MCPH1: variants seen among roughly 807,000 people sequenced by gnomAD.
MCPH1 encodes the protein microcephalin 1.
A neutral mutation model predicts 84.5 loss-of-function variants in MCPH1; 104 were observed. The ratio of observed to expected loss-of-function variants is 1.23; its 90% CI spans 1.05 to 1.45. The LOEUF is 1.45. Ranked by LOEUF, MCPH1 falls within the 40% of genes most tolerant of loss-of-function variation. The pLI, the probability that MCPH1 is intolerant of heterozygous loss-of-function variation, is 0.00. For missense variants in MCPH1, 1,498 were observed against 1,005.7 expected, an observed-to-expected ratio of 1.49 and a Z score of -6.62; for synonymous variants, 514 against 366.8, an observed-to-expected ratio of 1.40 and a Z score of -4.58.
At chr8:6,580,824 T>C (rs950909564) in intron 12 of MCPH1, among the ~76,000 whole-genome samples, 14 of 152,242 alleles carry the variant, frequency 9.2e-5, no homozygotes, top group African/African-American at 3.4e-4. Context: ...TTCCTATTCC[T>C]GTAAATAACT....
intron 12 of MCPH1, among the ~76,000 whole-genome samples, chr8:6,606,499 G>A (rs1429416139): frequency 6.6e-6 from 1 of 152,188 alleles, no homozygotes; most frequent in Non-Finnish European, 1.5e-5. Flanking sequence ...TAGTTGGAGG[G>A]AACTTCCCTA....
chr8:6,481,461 C>G (rs1271275416), intron 11 of MCPH1, among the ~76,000 whole-genome samples: 1 of 152,204 alleles, frequency 6.6e-6, no homozygotes, highest in Non-Finnish European at 1.5e-5. Flanking sequence ...TCTATTATTA[C>G]TTTCATCCTC....
chr8:6,534,374 CG>C (rs1157589160), intron 12 of MCPH1, among the ~76,000 whole-genome samples: 17 of 152,140 alleles, frequency 1.1e-4, no homozygotes, highest in Non-Finnish European at 2.2e-4. Flanking sequence ...CCCTGTTTTA[CG>C]GAAGAGGCTT....
At chr8:6,459,146 C>G (rs927218302) in intron 9 of MCPH1, among the ~76,000 whole-genome samples, 2 of 152,190 alleles carry the variant, frequency 1.3e-5, no homozygotes, top group African/African-American at 4.8e-5. Flanking sequence ...TGAGTAGCAG[C>G]CTACAAATAT....
intron 12 of MCPH1, among the ~76,000 whole-genome samples, chr8:6,604,197 C>G (rs1263605487): frequency 1.9e-5 from 1 of 52,146 alleles, no homozygotes; most frequent in Non-Finnish European, 6.4e-5. Flanking sequence ...CAGGTTTGCA[C>G]TGGAAGGAGC....
chr8:6,613,519 C>T (rs999448290), intron 12 of MCPH1, among the ~76,000 whole-genome samples: 2 of 151,726 alleles, frequency 1.3e-5, no homozygotes, highest in Admixed American at 1.3e-4. Flanking sequence ...CAGTCGCATC[C>T]GCTGGGCAGG....
chr8:6,463,638 G>C (rs1001854851), intron 9 of MCPH1, among the ~76,000 whole-genome samples: 1 of 152,152 alleles, frequency 6.6e-6, no homozygotes, highest in African/African-American at 2.4e-5. Flanking sequence ...CAGATGCAGT[G>C]TGGCCAGGCC....
intron 9 of MCPH1, among the ~76,000 whole-genome samples, chr8:6,465,349 G>C (rs918240234): frequency 6.6e-6 from 1 of 152,122 alleles, no homozygotes; most frequent in Non-Finnish European, 1.5e-5. Context: ...GCCACTTCCC[G>C]CGGAGCTGTT....
chr8:6,578,045 G>A (rs1827257503), intron 12 of MCPH1, among the ~76,000 whole-genome samples: 1 of 152,162 alleles, frequency 6.6e-6, no homozygotes, highest in African/African-American at 2.4e-5. Flanking sequence ...TGTTTGGGGA[G>A]AGCCTCACTC....
intron 9 of MCPH1, among the ~76,000 whole-genome samples, chr8:6,462,959 C>G (rs555002932): frequency 6.6e-6 from 1 of 152,176 alleles, no homozygotes; most frequent in Non-Finnish European, 1.5e-5. Flanking sequence ...TTTGCCCACT[C>G]CCAGAGACCA....
chr8:6,590,113 G>T (rs1225961211), intron 12 of MCPH1, among the ~76,000 whole-genome samples: 5 of 151,276 alleles, frequency 3.3e-5, no homozygotes, highest in Non-Finnish European at 7.4e-5. Context: ...GGTGCCGGAA[G>T]AATGATTAGG....
chr8:6,418,066 C>T (rs139912492), intron 3 of MCPH1, among the ~76,000 whole-genome samples: 82 of 152,274 alleles, frequency 5.4e-4, no homozygotes, highest in African/African-American at 1.7e-3. Context: ...ACATGTTGTT[C>T]AGGGGTCAGC....
chr8:6,491,949 G>A (rs188343082), intron 11 of MCPH1, among the ~76,000 whole-genome samples: 1 of 152,300 alleles, frequency 6.6e-6, no homozygotes, highest in Admixed American at 6.5e-5. Flanking sequence ...GTGTGCATGT[G>A]TCTTTATAGC....
intron 12 of MCPH1, among the ~76,000 whole-genome samples, chr8:6,609,828 C>CCCCCCCCCCCCACA (rs1475345162): frequency 1.8e-5 from 2 of 108,850 alleles, no homozygotes; most frequent in African/African-American, 3.0e-5. Context: ...CGCCCCCCCC[C>CCCCCCCCCCCCACA]CACACACAGA....
At chr8:6,409,182 G>C in intron 1 of MCPH1, 97 bp from the exon 2 acceptor site, 1 of 1,030,438 alleles carries the variant, frequency 9.7e-7, no homozygotes, top group Non-Finnish European at 1.5e-6. Context: ...CACTGTGCCG[G>C]CCTCGGTTTA....
intron 3 of MCPH1, among the ~76,000 whole-genome samples, chr8:6,424,422 A>G (rs1800741771): frequency 6.6e-6 from 1 of 152,196 alleles, no homozygotes; most frequent in Non-Finnish European, 1.5e-5. Context: ...GCATAACCAC[A>G]ACACAGGCCG....
rs60661127 is a variant in MCPH1 at position 6,433,630 on chromosome 8, C to CAAAAAAA, written c.321+2063_321+2069dup. On this transcript the variant is annotated intron_variant, in intron 4 of 13. Transcript: ENST00000344683. ...CCTGGGCGACAGCAAGGCTCTGTCT[C>CAAAAAAA]AAAAAAAAAAAAAAAAAAAAAAAAA... 1.2e-4 allele frequency among the ~76,000 whole-genome samples: 5 copies of CAAAAAAA among 40,890 alleles called. 1 individual carries two copies. The highest frequency in any genetic ancestry group is 3.2e-4 in the African/African-American group (4 of 12,398). The allele number at this position is 40,890 out of a possible 152,430, so 26.8% of individuals were successfully genotyped here. A position where few individuals can be genotyped will look rare whatever the true frequency, so the allele number is the denominator to read the frequency against.
chr8:6,462,238 C>G (rs1023593189), intron 9 of MCPH1, among the ~76,000 whole-genome samples: 1 of 152,160 alleles, frequency 6.6e-6, no homozygotes, highest in African/African-American at 2.4e-5. Context: ...GGGTGCAAAA[C>G]AAATAATAGC....
At chr8:6,538,977 G>A (rs1821007378) in intron 12 of MCPH1, among the ~76,000 whole-genome samples, 1 of 152,324 alleles carries the variant, frequency 6.6e-6, no homozygotes, top group Admixed American at 6.5e-5. Context: ...GAGGTCTCCA[G>A]ACAGAAAAGT....
Sources: gnomAD v4.1 joint callset for allele counts (sites outside exome capture counted in the v4.1 genomes callset) on GRCh38, gnomAD v4.1.1 for gene constraint, MANE v1.5 for transcripts, NCBI Gene and HGNC (gene_info 2026-07-23, HGNC 2026-07-21) for gene names.